Variants in PEX14 observed in about 807,000 individuals in gnomAD.
The protein encoded by PEX14 is peroxisomal membrane protein PEX14.
Under a neutral mutation model 49.5 loss-of-function variants are expected in PEX14, and 15 were observed. The ratio of observed to expected loss-of-function variants is 0.30; its 90% CI spans 0.20 to 0.47. PEX14 has a LOEUF of 0.47. Among genes scored for constraint, PEX14 ranks in the 20% least tolerant of loss-of-function variants. The probability of loss-of-function intolerance (pLI) is 1.00; values close to 1 mark genes in which losing one functional copy is unlikely to be tolerated. For synonymous variants in PEX14, 210 were observed against 212.7 expected, an observed-to-expected ratio of 0.99 and a Z score of 0.11; for missense variants, 398 against 494.8, an observed-to-expected ratio of 0.80 and a Z score of 1.86.
chr1:10,616,321 C>T (rs996220543), intron 4 of PEX14, among the ~76,000 whole-genome samples: 1 of 152,186 alleles, frequency 6.6e-6, no homozygotes, highest in Non-Finnish European at 1.5e-5. Flanking sequence ...TTCTCCTCCC[C>T]TGTGGTCATA....
chr1:10,562,917 T>G (rs1328351111), intron 3 of PEX14, among the ~76,000 whole-genome samples: 2 of 149,952 alleles, frequency 1.3e-5, no homozygotes, highest in African/African-American at 4.9e-5. Context: ...TTTCTTTCTT[T>G]TCTTTTTTTT....
At chr1:10,599,516 A>G (rs1489137708) in intron 4 of PEX14, 150 bp downstream of exon 4, 4 of 870,434 alleles carry the variant, frequency 4.6e-6, no homozygotes, top group Non-Finnish European at 7.7e-6. Context: ...AATGTGACAC[A>G]CCCCAGTCTT....
chr1:10,595,961 G>T (rs1640822168), intron 3 of PEX14, among the ~76,000 whole-genome samples: 1 of 152,164 alleles, frequency 6.6e-6, no homozygotes, highest in South Asian at 2.1e-4. Flanking sequence ...TAACCTTTTG[G>T]ATTCTGCAAG....
intron 1 of PEX14, among the ~76,000 whole-genome samples, chr1:10,486,630 T>C (rs2124382494): frequency 6.6e-6 from 1 of 151,642 alleles, no homozygotes; most frequent in East Asian, 1.9e-4. Context: ...TACAATGAGC[T>C]ATGTCACACC....
chr1:10,560,875 G>A (rs1246413224), intron 3 of PEX14, among the ~76,000 whole-genome samples: 13 of 151,692 alleles, frequency 8.6e-5, no homozygotes, highest in African/African-American at 2.4e-4. Flanking sequence ...ACACCACCAC[G>A]CCCAGCTAAT....
At chr1:10,626,830 G>C (rs1447522586) in intron 7 of PEX14, among the ~76,000 whole-genome samples, 1 of 152,218 alleles carries the variant, frequency 6.6e-6, no homozygotes, top group Admixed American at 6.5e-5. Flanking sequence ...GAAGTAAGAT[G>C]TAGTTCTGTG....
chr1:10,484,330 G>A (rs532482893), intron 1 of PEX14, among the ~76,000 whole-genome samples: 2 of 151,482 alleles, frequency 1.3e-5, no homozygotes, highest in East Asian at 3.9e-4. Flanking sequence ...GAGTCACTGC[G>A]TCCAGCCAAT....
At chr1:10,509,757 C>T (rs1641851547) in intron 2 of PEX14, among the ~76,000 whole-genome samples, 2 of 152,076 alleles carry the variant, frequency 1.3e-5, no homozygotes, top group Admixed American at 6.5e-5. Flanking sequence ...TAAGGATTAA[C>T]CTGCACAAAC....
chr1:10,544,760 T>TTTTTC (rs1406362666), intron 3 of PEX14, among the ~76,000 whole-genome samples: 3 of 151,922 alleles, frequency 2.0e-5, no homozygotes, highest in African/African-American at 7.3e-5. Flanking sequence ...TAGCCTTTTT[T>TTTTTC]TTTTTCTTTT....
In PEX14 at chr1:10,577,524, CTATACA is replaced by C. The variant is rs1640156401; in HGVS notation, c.170-21709_170-21704del. Among the ~76,000 whole-genome samples, 8 of 44,362 alleles carry C rather than the reference CTATACA, an allele frequency of 1.8e-4. No homozygotes were observed. In the South Asian group the frequency reaches 8.8e-3, roughly 49 times the overall value. 29.1% of individuals were successfully genotyped at this position (44,362 alleles called of 152,430 possible). On this transcript the variant is annotated intron_variant, in intron 3 of 8. Coordinates refer to ENST00000356607, the MANE Select transcript of PEX14 (RefSeq NM_004565.3). Reference sequence around the variant, plus strand: ...CAACAACAAAAATAAATTTTGGACACTATACATATATATATATATATATATATATAT... The same window carrying C: ...CAACAACAAAAATAAATTTTGGACACTATATATATATATATATATATATAT...
chr1:10,600,855 C>T (rs1021298109), intron 4 of PEX14, among the ~76,000 whole-genome samples: 62 of 152,124 alleles, frequency 4.1e-4, no homozygotes, highest in African/African-American at 1.3e-3. Context: ...ATTTTAAGGC[C>T]GGGCGCAGTG....
chr1:10,543,616 G>C (rs1194752939), intron 3 of PEX14, among the ~76,000 whole-genome samples: 1 of 152,150 alleles, frequency 6.6e-6, no homozygotes, highest in Non-Finnish European at 1.5e-5. Flanking sequence ...GAGGAGCTGG[G>C]GTTAGGACCC....
intron 1 of PEX14, among the ~76,000 whole-genome samples, chr1:10,485,299 GTTTTTTT>G (rs941970919): frequency 9.9e-6 from 1 of 100,718 alleles, no homozygotes; most frequent in Non-Finnish European, 1.9e-5. Flanking sequence ...TTTGTGTGTG[GTTTTTTT>G]TTTTTTTTTT....
At chr1:10,479,325 G>A (rs1323511383) in intron 1 of PEX14, among the ~76,000 whole-genome samples, 3 of 152,042 alleles carry the variant, frequency 2.0e-5, no homozygotes, top group Admixed American at 6.6e-5. Flanking sequence ...TGCAGTGAGC[G>A]GTGATTGTGC....
In PEX14 at chr1:10,613,244, TG is replaced by T. The variant is rs892175619; in HGVS notation, c.299-5086del. 2.0e-5 allele frequency among the ~76,000 whole-genome samples: 3 copies of T among 152,180 alleles called. No individual in the cohort carries two copies. Among genetic ancestry groups the T allele is most frequent in the Non-Finnish European group, 4.4e-5 (3 of 68,028 alleles). On this transcript the variant is annotated intron_variant, in intron 4 of 8. Transcript: ENST00000356607. This position sits in a 1 kb window ranked among gnomAD's most constrained non-coding sequence, Gnocchi z 5.0. ...CTCACCTGTTAGGTGAGAATTTGGT[TG>T]GTGGAGGTATAAAGAAACAGAGTCA... is the stretch of plus-strand genomic sequence containing the variant.
At chr1:10,618,238 G>A (rs371526494) in intron 4 of PEX14, 94 bp from the exon 5 acceptor site, 6 of 887,294 alleles carry the variant, frequency 6.8e-6, no homozygotes, top group East Asian at 5.0e-5. Flanking sequence ...TGTTGGAGGC[G>A]AGGAGACTGT....
At chr1:10,586,478 T>A (rs1033796249) in intron 3 of PEX14, among the ~76,000 whole-genome samples, 1 of 152,118 alleles carries the variant, frequency 6.6e-6, no homozygotes, top group Non-Finnish European at 1.5e-5. Flanking sequence ...TTAAGAATGT[T>A]GATAGCAGCA....
rs560084447 is a variant in PEX14 at position 10,512,650 on chromosome 1, A to G, written c.84+17329A>G. The stretch of plus-strand genomic sequence containing the variant: ...GAAAAAGAACAATATATTCAGATGC[A>G]TAGGATCGTTTTTAAATGAAATGCT... On this transcript the variant is annotated intron_variant, in intron 2 of 8. Coordinates refer to ENST00000356607, the MANE Select transcript of PEX14 (RefSeq NM_004565.3). The surrounding 1 kb of genome is among the most constrained non-coding windows in gnomAD (Gnocchi z 4.6). 6.6e-6 allele frequency among the ~76,000 whole-genome samples: 1 copy of G among 152,232 alleles called. No individual in the cohort carries two copies. Among genetic ancestry groups the G allele is most frequent in the East Asian group, 1.9e-4 (1 of 5,182 alleles).
intron 4 of PEX14, among the ~76,000 whole-genome samples, chr1:10,614,662 C>G (rs779971935): frequency 9.9e-5 from 15 of 152,192 alleles, no homozygotes; most frequent in Non-Finnish European, 1.9e-4. Context: ...TGCTTTCTTG[C>G]AAGAGGCTTC....
Sources: gnomAD v4.1 joint callset for allele counts (sites outside exome capture counted in the v4.1 genomes callset) on GRCh38, gnomAD v4.1.1 for gene constraint, Gnocchi (gnomAD v3.1) non-coding constraint, MANE v1.5 for transcripts, NCBI Gene and HGNC (gene_info 2026-07-23, HGNC 2026-07-21) for gene names.